The following CACNA1C variants were observed in gnomAD, a reference collection of about 807,000 sequenced individuals.
The protein encoded by CACNA1C is calcium voltage-gated channel subunit alpha1 C, also known as voltage-dependent L-type calcium channel subunit alpha-1C.
Under a neutral mutation model 229.0 loss-of-function variants are expected in CACNA1C, and 30 were observed. That is an observed-to-expected ratio of 0.13 (90% CI 0.10 to 0.18). The LOEUF (loss-of-function observed/expected upper bound fraction) is 0.18. Among genes scored for constraint, CACNA1C ranks in the 10% least tolerant of loss-of-function variants. The probability of loss-of-function intolerance (pLI) is 1.00; values close to 1 mark genes in which losing one functional copy is unlikely to be tolerated. For missense variants in CACNA1C, 1,658 were observed against 2,845.0 expected (o/e 0.58, Z 9.49); for synonymous variants, 1,114 against 1,132.5 (o/e 0.98, Z 0.33).
In CACNA1C at chr12:2,389,549, A is replaced by T. The variant is rs545135315; in HGVS notation, c.478-59427A>T. Reference sequence around the variant, plus strand: ...TGAAAGAGAGCATCCTTTTAATGTGATCAGTGCCAGATGTCATCTTACAAG... The same window carrying T: ...TGAAAGAGAGCATCCTTTTAATGTGTTCAGTGCCAGATGTCATCTTACAAG... On this transcript the variant is annotated intron_variant, in intron 3 of 46. Coordinates refer to ENST00000399655, the MANE Select transcript of CACNA1C (RefSeq NM_000719.7). 3.3e-5 allele frequency among the ~76,000 whole-genome samples: 5 copies of T among 152,310 alleles called. No individual in the cohort carries two copies. In the South Asian group the frequency reaches 1.0e-3, roughly 32 times the overall value.
At chr12:2,472,494 A>G (rs1030442566) in intron 5 of CACNA1C, among the ~76,000 whole-genome samples, 7 of 151,908 alleles carry the variant, frequency 4.6e-5, no homozygotes, top group East Asian at 1.9e-4. Context: ...GGAATTCTCT[A>G]TATTTCTCCC....
At chr12:2,114,955 C>T (rs1472732451) in intron 1 of CACNA1C, among the ~76,000 whole-genome samples, 3 of 152,182 alleles carry the variant, frequency 2.0e-5, no homozygotes, top group African/African-American at 7.2e-5. Flanking sequence ...CTGTAATGCA[C>T]GGATCTCATC....
At chr12:2,308,690 G>A (rs2154481035) in intron 3 of CACNA1C, among the ~76,000 whole-genome samples, 1 of 152,262 alleles carries the variant, frequency 6.6e-6, no homozygotes, top group African/African-American at 2.4e-5. Context: ...GGAAAAATGG[G>A]CAAAGGACCT....
chr12:2,143,176 A>C (rs1246219024), intron 3 of CACNA1C, among the ~76,000 whole-genome samples: 1 of 151,070 alleles, frequency 6.6e-6, no homozygotes, highest in Non-Finnish European at 1.5e-5. Context: ...GGGTTTCACC[A>C]TGTTGGCCAG....
chr12:2,106,514 T>TCGTGAAGCCACTGG (rs2078716771), intron 1 of CACNA1C, among the ~76,000 whole-genome samples: 1 of 82,626 alleles, frequency 1.2e-5, no homozygotes, highest in Non-Finnish European at 2.5e-5. Context: ...CTCAGCTGGG[T>TCGTGAAGCCACTGG]GTCCTGAAGC....
Position 2,682,661 on chromosome 12 carries a change from C to A in CACNA1C, c.5556C>A (p.Ser1852Arg). The change falls in exon 43 of 47, where the codon AGC (serine) becomes AGA (arginine). Residue 1852 changes from serine to arginine, a missense_variant. Physicochemically the swap from Ser to Arg is moderately radical, Grantham distance 110. Around this residue, in one of 20 missense-constraint regions of CACNA1C, gnomAD observed 590 missense variants for 700.8 expected, o/e 0.84. Transcript: ENST00000399655. The stretch of plus-strand genomic sequence containing the variant: ...ACACGGAGGCCTGCAGTGAGCCCAG[C>A]CTGCTCTCCACAGAGATGTGAGCTC... ...NHDTEACSEPSLLSTEMLSYQ... is the reference protein window; with the variant it reads ...NHDTEACSEPRLLSTEMLSYQ... 1 of 1,611,222 alleles carries A rather than the reference C, an allele frequency of 6.2e-7. No homozygotes were observed. The highest frequency in any genetic ancestry group is 2.2e-5 in the East Asian group (1 of 44,832).
chr12:2,434,199 C>T (rs2099113089), intron 3 of CACNA1C, among the ~76,000 whole-genome samples: 1 of 152,064 alleles, frequency 6.6e-6, no homozygotes, highest in Non-Finnish European at 1.5e-5. Flanking sequence ...TTTGTCAAGC[C>T]CACCTGTCAG....
Position 2,293,654 on chromosome 12 carries a change from A to C in CACNA1C, c.478-155322A>C, listed in dbSNP as rs2093727387. ...AATTCTTCTCCTTCCAATGTGGCCC[A>C]GGGAAGCCAAAAGATTGGGCATCCC... On this transcript the variant is annotated intron_variant, in intron 3 of 46. Transcript: ENST00000399655. 2.0e-5 allele frequency among the ~76,000 whole-genome samples: 3 copies of C among 152,252 alleles called. No homozygotes were observed. The South Asian group carries it at 6.2e-4, about 31-fold the overall frequency.
chr12:2,255,862 G>T (rs377086077), intron 3 of CACNA1C, among the ~76,000 whole-genome samples: 1 of 102,912 alleles, frequency 9.7e-6, no homozygotes, highest in South Asian at 3.3e-4. Flanking sequence ...ATCCTGACCT[G>T]ACTAGTTTAC....
At chr12:2,086,085 C>T (rs2154066081) in intron 1 of CACNA1C, among the ~76,000 whole-genome samples, 1 of 152,284 alleles carries the variant, frequency 6.6e-6, no homozygotes, top group East Asian at 1.9e-4. Context: ...CTGCAGCACT[C>T]TAAGTGTACC....
At chr12:2,293,988 A>C (rs2093762772) in intron 3 of CACNA1C, among the ~76,000 whole-genome samples, 3 of 152,178 alleles carry the variant, frequency 2.0e-5, no homozygotes, top group African/African-American at 7.2e-5. Flanking sequence ...TATTAATTGA[A>C]TCATTTATTA....
At chr12:2,360,849 T>C (rs1161747304) in intron 3 of CACNA1C, among the ~76,000 whole-genome samples, 1 of 152,154 alleles carries the variant, frequency 6.6e-6, no homozygotes, top group African/African-American at 2.4e-5. Flanking sequence ...TTTTTTTCTT[T>C]GCATAACTTA....
intron 2 of CACNA1C, among the ~76,000 whole-genome samples, chr12:2,119,449 C>G (rs899509105): frequency 3.9e-5 from 6 of 152,144 alleles, no homozygotes; most frequent in Non-Finnish European, 8.8e-5. Flanking sequence ...TGGGGTGGTC[C>G]CGTCGGAAGG....
Position 2,467,959 on chromosome 12 carries a change from C to T in CACNA1C, c.757+10253C>T, listed in dbSNP as rs973288176. Among the ~76,000 whole-genome samples, 2 of 152,198 alleles carry T rather than the reference C, an allele frequency of 1.3e-5. No individual in the cohort carries two copies. The highest frequency in any genetic ancestry group is 2.9e-5 in the Non-Finnish European group (2 of 68,024). ...TGCCATGGATAAGGAGGAGATTCTA[C>T]CTGTGCAGCCCTGTGAGCTCCCAGC... On this transcript the variant is annotated intron_variant, in intron 5 of 46. Coordinates refer to ENST00000399655, the MANE Select transcript of CACNA1C (RefSeq NM_000719.7). This position sits in a 1 kb window ranked among gnomAD's most constrained non-coding sequence, Gnocchi z 4.6.
intron 3 of CACNA1C, among the ~76,000 whole-genome samples, chr12:2,398,539 A>G (rs2098629097): frequency 6.6e-6 from 1 of 152,168 alleles, no homozygotes; most frequent in Non-Finnish European, 1.5e-5. Flanking sequence ...TCCTTATCTG[A>G]AAGCTGGACA....
intron 3 of CACNA1C, among the ~76,000 whole-genome samples, chr12:2,297,872 A>G (rs138158164): frequency 0.01 from 1,579 of 152,298 alleles, 23 homozygotes; most frequent in African/African-American, 0.036. Flanking sequence ...AAAAAAACCT[A>G]AAACCACACA....
intron 1 of CACNA1C, among the ~76,000 whole-genome samples, chr12:1,997,649 C>T (rs772034087): frequency 6.6e-6 from 1 of 152,224 alleles, no homozygotes; most frequent in African/African-American, 2.4e-5. Context: ...GTGCCATTCA[C>T]TTGAATCAAA....
At chr12:2,455,726 C>A (rs548657647) in intron 4 of CACNA1C, among the ~76,000 whole-genome samples, 1 of 152,130 alleles carries the variant, frequency 6.6e-6, no homozygotes, top group Non-Finnish European at 1.5e-5. Flanking sequence ...CTAAACCCAG[C>A]GGTCGGTGTC....
At chr12:2,564,868 C>G (rs1456108343) in intron 11 of CACNA1C, among the ~76,000 whole-genome samples, 1 of 152,130 alleles carries the variant, frequency 6.6e-6, no homozygotes, top group African/African-American at 2.4e-5. Context: ...GACAGAGGGG[C>G]TGTTTTTGTG....
Sources: gnomAD v4.1 joint callset for allele counts (sites outside exome capture counted in the v4.1 genomes callset) on GRCh38, gnomAD v4.1.1 for gene constraint, gnomAD v4.1.1 regional missense constraint, Gnocchi (gnomAD v3.1) non-coding constraint, MANE v1.5 for transcripts, NCBI Gene and HGNC (gene_info 2026-07-23, HGNC 2026-07-21) for gene names.